Variants in ZER1 observed in about 807,000 individuals in gnomAD.
ZER1 encodes the protein protein zer-1 homolog.
A neutral mutation model predicts 78.8 loss-of-function variants in ZER1; 11 were observed. The observed-to-expected ratio is 0.14, with a 90% CI of 0.09 to 0.23. The LOEUF is 0.23. Among genes scored for constraint, ZER1 ranks in the 10% least tolerant of loss-of-function variants. The probability of loss-of-function intolerance (pLI) is 1.00; values close to 1 mark genes in which losing one functional copy is unlikely to be tolerated. For missense variants in ZER1, 588 were observed against 996.9 expected, an observed-to-expected ratio of 0.59 and a Z score of 5.52; for synonymous variants, 400 against 407.0, an observed-to-expected ratio of 0.98 and a Z score of 0.21.
At position 128,753,745 on chromosome 9, in the gene ZER1, A is replaced by G; in HGVS notation, c.309+64T>C. 6.4e-7 allele frequency: 1 copy of G among 1,567,818 alleles called. No individual in the cohort carries two copies. Among genetic ancestry groups the G allele is most frequent in the Non-Finnish European group, 8.6e-7 (1 of 1,156,600 alleles). ...GCTGGGCTGGGGATGGCTGGGCTGG[A>G]GGCGAGCAGCCTGGCCCCTGCTTGG... On this transcript the variant is annotated intron_variant, in intron 3 of 15. Coordinates refer to ENST00000291900, the MANE Select transcript of ZER1 (RefSeq NM_006336.4). The surrounding 1 kb of genome is among the most constrained non-coding windows in gnomAD (Gnocchi z 7.5).
At chr9:128,746,705 G>A (rs894066004) in intron 8 of ZER1, among the ~76,000 whole-genome samples, 11 of 151,224 alleles carry the variant, frequency 7.3e-5, no homozygotes, top group Non-Finnish European at 1.3e-4. Context: ...GTACCATCTC[G>A]GCTCACTGCA....
intron 14 of ZER1, among the ~76,000 whole-genome samples, chr9:128,734,144 A>AAAATATATATATATATAT: frequency 6.9e-5 from 1 of 14,446 alleles, no homozygotes; most frequent in African/African-American, 1.9e-4. Flanking sequence ...AAAAAAAAAA[A>AAAATATATATATATATAT]ATATATATAT....
chr9:128,753,730 G>A lies in ZER1; in HGVS notation c.309+79C>T, dbSNP rs1863764366. 1 of 1,562,642 alleles carries A rather than the reference G, an allele frequency of 6.4e-7. No individual in the cohort carries two copies. The highest frequency in any genetic ancestry group is 8.7e-7 in the Non-Finnish European group (1 of 1,154,004). On this transcript the variant is annotated intron_variant, in intron 3 of 15. Coordinates refer to ENST00000291900, the MANE Select transcript of ZER1 (RefSeq NM_006336.4). The surrounding 1 kb of genome is among the most constrained non-coding windows in gnomAD (Gnocchi z 7.5). ...TCACGGTGCACACTGGCTGGGCTGG[G>A]GATGGCTGGGCTGGAGGCGAGCAGC...
intron 8 of ZER1, among the ~76,000 whole-genome samples, chr9:128,746,631 T>C (rs1589527694): frequency 2.0e-5 from 3 of 151,274 alleles, no homozygotes; most frequent in Admixed American, 2.0e-4. Flanking sequence ...CCCAGCTAAT[T>C]AAAAAAAAAT....
chr9:128,771,766 G>A lies in ZER1; in HGVS notation c.-280C>T, dbSNP rs1006006090. On this transcript the variant is annotated 5_prime_UTR_variant, in exon 1 of 16. Transcript: ENST00000291900. ...GGGCGGAGCTTGGGATCCCGGGGACGGGAGCTCCGGGAGGGAGGGGGTCGC... is the reference window on the plus strand; with the variant it reads ...GGGCGGAGCTTGGGATCCCGGGGACAGGAGCTCCGGGAGGGAGGGGGTCGC... 2.9e-4 allele frequency: 44 copies of A among 152,364 alleles called. No individual in the cohort carries two copies. The highest frequency in any genetic ancestry group is 1.0e-3 in the African/African-American group (42 of 41,452). 9.4% of individuals were successfully genotyped at this position (152,364 alleles called of 1,614,324 possible). A position where few individuals can be genotyped will look rare whatever the true frequency, so the allele number is the denominator to read the frequency against.
In ZER1 at chr9:128,751,049, C is replaced by A. The variant is rs976459631; in HGVS notation, c.1185+73G>T. On this transcript the variant is annotated intron_variant, in intron 7 of 15. Transcript: ENST00000291900. The surrounding 1 kb of genome is among the most constrained non-coding windows in gnomAD (Gnocchi z 5.4). The stretch of plus-strand genomic sequence containing the variant: ...TGCAGAAGGACACAGGCTCTGGGGA[C>A]ACGGCTCAGCCAAGCCCGGCAACCT... 1 of 1,517,280 alleles carries A rather than the reference C, an allele frequency of 6.6e-7. No homozygotes were observed. The highest frequency in any genetic ancestry group is 2.0e-5 in the Admixed American group (1 of 49,006). The allele number at this position is 1,517,280 out of a possible 1,614,324, so 94.0% of individuals were successfully genotyped here.
intron 8 of ZER1, among the ~76,000 whole-genome samples, chr9:128,748,658 A>G (rs1485866389): frequency 6.6e-6 from 1 of 151,098 alleles, no homozygotes; most frequent in African/African-American, 2.4e-5. Flanking sequence ...TGCAACCTCT[A>G]CCTCCTGGGT....
chr9:128,734,726 T>G (rs1347533820), intron 14 of ZER1, among the ~76,000 whole-genome samples: 1 of 152,152 alleles, frequency 6.6e-6, no homozygotes, highest in Admixed American at 6.6e-5. Context: ...TGTAAAAATA[T>G]AGATTTCTAA....
chr9:128,767,998 G>A (rs1205367767), intron 1 of ZER1, among the ~76,000 whole-genome samples: 1 of 152,204 alleles, frequency 6.6e-6, no homozygotes, highest in Non-Finnish European at 1.5e-5. Context: ...GTTGCGAGTG[G>A]CACACGCTGT....
rs776299057 is a variant in ZER1 at position 128,731,347 on chromosome 9, G to A, written c.2291C>T (p.Thr764Met). 18 of 1,603,710 alleles carry A rather than the reference G, an allele frequency of 1.1e-5. No homozygotes were observed. The highest frequency in any genetic ancestry group is 8.1e-5 in the African/African-American group (6 of 73,998). ...CSNFKEENMD[T>M]SR ...TGGGGACGGAGGCCTCTATCTAGAC[G>A]TGTCCATGTTCTCCTCTTTAAAGTT... The change falls in exon 16 of 16, where the codon ACG (threonine) becomes ATG (methionine). Residue 764 changes from threonine (T) to methionine (M), a missense_variant. Around this residue, in one of 3 missense-constraint regions of ZER1, gnomAD observed 122 missense variants for 173.5 expected, o/e 0.70. Coordinates refer to ENST00000291900, the MANE Select transcript of ZER1 (RefSeq NM_006336.4).
chr9:128,751,661 T>A lies in ZER1; in HGVS notation c.924-134A>T. 1 of 700,538 alleles carries A rather than the reference T, an allele frequency of 1.4e-6. No homozygotes were observed. Among genetic ancestry groups the A allele is most frequent in the Non-Finnish European group, 2.4e-6 (1 of 413,056 alleles). 43.4% of individuals were successfully genotyped at this position (700,538 alleles called of 1,614,324 possible). ...CCTCATCCCCTACTCCTTTTGTTTT[T>A]AATGGTAGGGGACATAAGCACCACC... On this transcript the variant is annotated intron_variant, in intron 5 of 15. Coordinates refer to ENST00000291900, the MANE Select transcript of ZER1 (RefSeq NM_006336.4). This position sits in a 1 kb window ranked among gnomAD's most constrained non-coding sequence, Gnocchi z 5.4.
Position 128,740,035 on chromosome 9 carries a change from G to C in ZER1, c.1938C>G (p.Pro646=). Reference sequence around the variant, plus strand: ...GGGGCTCACAGACGCCCCAGGCCTCGGGTCCATCAAACATGATGTGGGAGA... The same window carrying C: ...GGGGCTCACAGACGCCCCAGGCCTCCGGTCCATCAAACATGATGTGGGAGA... ...GVLSHIMFDG[P]EAWGVCEPQR... Residue 646 remains proline (P), a synonymous_variant, in exon 13 of 16, where the codon CCC becomes CCG. Transcript: ENST00000291900. The surrounding 1 kb of genome is among the most constrained non-coding windows in gnomAD (Gnocchi z 4.4). The C allele has an allele frequency of 5.6e-6, 9 of 1,613,996 alleles. No individual in the cohort carries two copies. Among genetic ancestry groups the C allele is most frequent in the Non-Finnish European group, 7.6e-6 (9 of 1,179,966 alleles).
In ZER1 at chr9:128,758,255, G is replaced by A. The variant is rs138841921; in HGVS notation, c.-94-2596C>T. On this transcript the variant is annotated intron_variant, in intron 1 of 15. Transcript: ENST00000291900. Reference sequence around the variant, plus strand: ...CTGCCTCAGCCTCCCGAATACCTGGGATTACAAGCGTGCGCCATCACGCCG... The same window carrying A: ...CTGCCTCAGCCTCCCGAATACCTGGAATTACAAGCGTGCGCCATCACGCCG... Among the ~76,000 whole-genome samples, 3 of 151,800 alleles carry A rather than the reference G, an allele frequency of 2.0e-5. No individual in the cohort carries two copies. The East Asian group carries it at 5.8e-4, about 29-fold the overall frequency.
chr9:128,747,974 G>T (rs955652090), intron 8 of ZER1, among the ~76,000 whole-genome samples: 2 of 152,102 alleles, frequency 1.3e-5, no homozygotes, highest in Admixed American at 6.6e-5. Context: ...CAATTTTTGG[G>T]CCTAGTGCAA....
At position 128,733,473 on chromosome 9, in the gene ZER1, G is replaced by C. The variant is rs138395475; in HGVS notation, c.2196C>G (p.Asp732Glu). The C allele has an allele frequency of 2.4e-4, 380 of 1,613,928 alleles. No homozygotes were observed. In the Middle Eastern group the frequency reaches 2.6e-3, roughly 11 times the overall value. ...IKEGGMPLLRDIIKMATARQE... is the reference protein window; with the variant it reads ...IKEGGMPLLREIIKMATARQE... ...GCCGTGCGGTCGCCATCTTAATTAT[G>C]TCCCTCAGAAGGGGCATCCCCCCTT... The change falls in exon 15 of 16, where the codon GAC (aspartate) becomes GAG (glutamate). Residue 732 changes from aspartate (D) to glutamate (E), a missense_variant. Physicochemically the swap from Asp to Glu is conservative, Grantham distance 45. Around this residue, in one of 3 missense-constraint regions of ZER1, gnomAD observed 122 missense variants for 173.5 expected, o/e 0.70. Coordinates refer to ENST00000291900, the MANE Select transcript of ZER1 (RefSeq NM_006336.4).
At chr9:128,756,419 A>G (rs1311650143) in intron 1 of ZER1, among the ~76,000 whole-genome samples, 1 of 152,176 alleles carries the variant, frequency 6.6e-6, no homozygotes, top group Non-Finnish European at 1.5e-5. Context: ...ACAGAGTGAG[A>G]CTCCATCTCA....
At position 128,761,288 on chromosome 9, in the gene ZER1, C is replaced by G. The variant is rs973354886; in HGVS notation, c.-94-5629G>C. 1.3e-4 allele frequency among the ~76,000 whole-genome samples: 19 copies of G among 151,956 alleles called. No individual in the cohort carries two copies. The Middle Eastern group carries it at 0.01, about 82-fold the overall frequency. The stretch of plus-strand genomic sequence containing the variant: ...AAGTACACAACATGGTGGTTATGAC[C>G]CCACCTTTTTTTTCTTTTTTCAGAG... On this transcript the variant is annotated intron_variant, in intron 1 of 15. Coordinates refer to ENST00000291900, the MANE Select transcript of ZER1 (RefSeq NM_006336.4).
At position 128,732,247 on chromosome 9, in the gene ZER1, G is replaced by GTCTT. The variant is rs1862854052; in HGVS notation, c.2244-857_2244-854dup. 6.6e-6 allele frequency among the ~76,000 whole-genome samples: 1 copy of GTCTT among 152,224 alleles called. No homozygotes were observed. The highest frequency in any genetic ancestry group is 6.5e-5 in the Admixed American group (1 of 15,278). ...AGTGACTGTGGTAGGTAACTGGTCA[G>GTCTT]TCTTACCCAGTGCTTCTCAAATTTC... On this transcript the variant is annotated intron_variant, in intron 15 of 15. Coordinates refer to ENST00000291900, the MANE Select transcript of ZER1 (RefSeq NM_006336.4). This position sits in a 1 kb window ranked among gnomAD's most constrained non-coding sequence, Gnocchi z 4.8.
chr9:128,752,065 G>T (rs546693441), intron 5 of ZER1, among the ~76,000 whole-genome samples: 13 of 152,322 alleles, frequency 8.5e-5, no homozygotes, highest in African/African-American at 2.4e-4. Context: ...GGCCTTTGCA[G>T]GTGCTGTTCC....
Sources: allele counts gnomAD v4.1 joint callset (sites outside exome capture counted in the v4.1 genomes callset), GRCh38; gene constraint gnomAD v4.1.1; regional missense constraint gnomAD v4.1.1; non-coding constraint Gnocchi (gnomAD v3.1); transcripts MANE v1.5; gene names NCBI Gene and HGNC (gene_info 2026-07-23, HGNC 2026-07-21).